Variants in RPS6KC1 observed in about 807,000 individuals in gnomAD.
The protein encoded by RPS6KC1 is ribosomal protein S6 kinase C1.
In RPS6KC1, 54 loss-of-function variants were observed where a neutral mutation model predicts 103.8. The observed-to-expected ratio is 0.52, with a 90% CI of 0.42 to 0.65. The LOEUF (loss-of-function observed/expected upper bound fraction) is 0.65. Among genes scored for constraint, RPS6KC1 ranks in the 30% least tolerant of loss-of-function variants. The probability of loss-of-function intolerance (pLI) is 0.00; values close to 1 mark genes in which losing one functional copy is unlikely to be tolerated. For missense variants in RPS6KC1, 1,151 were observed against 1,253.8 expected (o/e 0.92, Z 1.24); for synonymous variants, 439 against 438.7 (o/e 1.00, Z -0.01).
At chr1:213,437,005 T>C in the RPS6KC1 span, among the ~76,000 whole-genome samples, 2 of 152,090 alleles carry the variant, frequency 1.3e-5, no homozygotes, top group Non-Finnish European at 2.9e-5. Context: ...TTTATTGCCG[T>C]ATTACATTGA....
chr1:213,118,038 A>AAAAAAAAAAAAAAAAAACAAACAAAC (rs1558354181), intron 5 of RPS6KC1, among the ~76,000 whole-genome samples: 1 of 149,158 alleles, frequency 6.7e-6, no homozygotes, highest in African/African-American at 2.5e-5. Flanking sequence ...AAAAAAAAAA[A>AAAAAAAAAAAAAAAAAACAAACAAAC]AGCCTTACTC....
the RPS6KC1 span, among the ~76,000 whole-genome samples, chr1:213,603,850 ACT>A: frequency 1.3e-5 from 2 of 151,594 alleles, no homozygotes; most frequent in African/African-American, 4.9e-5. Flanking sequence ...ACAGAGGGAG[ACT>A]CTGTCTCAAA....
the RPS6KC1 span, among the ~76,000 whole-genome samples, chr1:213,419,095 C>G: frequency 2.0e-5 from 3 of 152,240 alleles, no homozygotes; most frequent in Admixed American, 2.0e-4. Context: ...CCTTCTTCCT[C>G]TATGTCCCCC....
the RPS6KC1 span, among the ~76,000 whole-genome samples, chr1:213,462,556 A>G: frequency 2.0e-5 from 3 of 152,246 alleles, no homozygotes; most frequent in South Asian, 4.1e-4. Flanking sequence ...CATATATACC[A>G]TGGAATACTA....
the RPS6KC1 span, among the ~76,000 whole-genome samples, chr1:213,344,536 T>C: frequency 2.0e-5 from 3 of 152,086 alleles, no homozygotes; most frequent in South Asian, 6.2e-4. Context: ...ACCTACTTAT[T>C]GTGCTTTTTT....
chr1:213,367,376 A>G, the RPS6KC1 span, among the ~76,000 whole-genome samples: 1 of 152,228 alleles, frequency 6.6e-6, no homozygotes, highest in Non-Finnish European at 1.5e-5. Context: ...TTGGATTTCC[A>G]GTAAAAATCC....
the RPS6KC1 span, among the ~76,000 whole-genome samples, chr1:213,427,362 G>T: frequency 1.9e-3 from 293 of 152,194 alleles, 2 homozygotes; most frequent in African/African-American, 6.8e-3. Context: ...TTAAGGAAAG[G>T]TTCCGCTTCC....
At chr1:213,343,536 T>G in the RPS6KC1 span, among the ~76,000 whole-genome samples, 1 of 149,722 alleles carries the variant, frequency 6.7e-6, no homozygotes, top group Admixed American at 6.6e-5. Flanking sequence ...CTAAGTGAAG[T>G]AACTCAGGAA....
At chr1:213,356,408 C>A in the RPS6KC1 span, among the ~76,000 whole-genome samples, 1 of 152,180 alleles carries the variant, frequency 6.6e-6, no homozygotes, top group Non-Finnish European at 1.5e-5. Flanking sequence ...GTAATCCCAG[C>A]ACTTTGGGAG....
At chr1:213,494,782 T>C in the RPS6KC1 span, among the ~76,000 whole-genome samples, 3 of 151,978 alleles carry the variant, frequency 2.0e-5, no homozygotes, top group African/African-American at 7.2e-5. Context: ...AAATTTTTTT[T>C]GAACTGAAGA....
the RPS6KC1 span, among the ~76,000 whole-genome samples, chr1:213,311,736 GAAC>G: frequency 1.3e-5 from 2 of 151,954 alleles, no homozygotes; most frequent in African/African-American, 4.8e-5. Flanking sequence ...TTGAAAGTTT[GAAC>G]AACATTTAAA....
At chr1:213,252,157 A>T (rs2094557245) in intron 12 of RPS6KC1, among the ~76,000 whole-genome samples, 1 of 152,208 alleles carries the variant, frequency 6.6e-6, no homozygotes, top group African/African-American at 2.4e-5. Context: ...CTGCATAGAA[A>T]ATCTTTATAC....
chr1:213,749,715 G>A, the RPS6KC1 span, among the ~76,000 whole-genome samples: 952 of 149,824 alleles, frequency 6.4e-3, 8 homozygotes, highest in Non-Finnish European at 9.7e-3. Flanking sequence ...GGTGTCTATT[G>A]TGGCAGCTAC....
At chr1:213,782,100 A>C in the RPS6KC1 span, among the ~76,000 whole-genome samples, 1 of 152,150 alleles carries the variant, frequency 6.6e-6, no homozygotes, top group Non-Finnish European at 1.5e-5. Flanking sequence ...TCAGTGGTTT[A>C]ACACAACAAA....
the RPS6KC1 span, among the ~76,000 whole-genome samples, chr1:213,468,846 C>T: frequency 1.3e-5 from 2 of 152,068 alleles, no homozygotes; most frequent in Admixed American, 1.3e-4. Context: ...ATGTGCCAGC[C>T]CCACCTTCCC....
intron 6 of RPS6KC1, 140 bp downstream of exon 6, chr1:213,130,029 T>C: frequency 1.3e-6 from 1 of 774,084 alleles, no homozygotes; most frequent in South Asian, 2.1e-5. Flanking sequence ...AAGACCTATA[T>C]ATGGATATAT....
chr1:213,239,996 C>T (rs907167416), intron 10 of RPS6KC1, among the ~76,000 whole-genome samples: 1 of 152,012 alleles, frequency 6.6e-6, no homozygotes, highest in Admixed American at 6.6e-5. Flanking sequence ...CTCTGATTTA[C>T]ATGAAAGTGA....
intron 6 of RPS6KC1, among the ~76,000 whole-genome samples, chr1:213,166,557 A>G (rs1379003638): frequency 6.6e-6 from 1 of 152,170 alleles, no homozygotes; most frequent in Non-Finnish European, 1.5e-5. Context: ...TTGCGGGTTG[A>G]GGAGTTGGAG....
chr1:213,660,995 A>T, the RPS6KC1 span, among the ~76,000 whole-genome samples: 3 of 152,192 alleles, frequency 2.0e-5, no homozygotes, highest in Non-Finnish European at 2.9e-5. Flanking sequence ...TCTTGAGAGC[A>T]GAAGTTTCCA....
Sources: gnomAD v4.1 joint callset for allele counts (sites outside exome capture counted in the v4.1 genomes callset) on GRCh38, gnomAD v4.1.1 for gene constraint, MANE v1.5 for transcripts, NCBI Gene and HGNC (gene_info 2026-07-23, HGNC 2026-07-21) for gene names.